SMARCA4: variants seen among roughly 807,000 people sequenced by gnomAD.
SMARCA4 encodes SWI/SNF related BAF chromatin remodeling complex subunit ATPase 4.
In SMARCA4, 31 loss-of-function variants were observed where a neutral mutation model predicts 193.9. The observed-to-expected ratio is 0.16, with a 90% CI of 0.12 to 0.22. The LOEUF (loss-of-function observed/expected upper bound fraction) is 0.22. Among genes scored for constraint, SMARCA4 ranks in the 10% least tolerant of loss-of-function variants. The pLI is 1.00. For synonymous variants in SMARCA4, 942 were observed against 933.1 expected (o/e 1.01, Z -0.17); for missense variants, 1,148 against 2,296.0 (o/e 0.50, Z 10.22).
chr19:11,023,589 C>G lies in SMARCA4; in HGVS notation c.2931C>G (p.Leu977=), dbSNP rs747616966. ...ACAAAGTGCTGCGGCCCTTCTTGCTCCGACGACTCAAGAAGGAAGTCGAGG... is the reference window on the plus strand; with the variant it reads ...ACAAAGTGCTGCGGCCCTTCTTGCTGCGACGACTCAAGAAGGAAGTCGAGG... ...RLHKVLRPFL[L]RRLKKEVEAQ... is the part of the protein sequence containing the mutation. Residue 977 remains leucine (L), a synonymous_variant, in exon 20 of 35, where the codon CTC becomes CTG. Coordinates refer to ENST00000344626, the MANE Select transcript of SMARCA4 (RefSeq NM_003072.5). 6.2e-7 allele frequency: 1 copy of G among 1,612,898 alleles called. No homozygotes were observed. Among genetic ancestry groups the G allele is most frequent in the Non-Finnish European group, 8.5e-7 (1 of 1,179,392 alleles).
rs587778680 is a variant in SMARCA4 at position 11,003,131 on chromosome 19, C to G, written c.1915C>G (p.Leu639Val). 11 of 1,614,046 alleles carry G rather than the reference C, an allele frequency of 6.8e-6. No homozygotes were observed. The highest frequency in any genetic ancestry group is 1.3e-5 in the African/African-American group (1 of 74,946). ...TGTDAPKAGQ[L>V]EAWLEMNPGY... ...CACAGATGCCCCCAAAGCCGGGCAGCTGGAGGCCTGGCTCGAGATGAACCC... is the reference window on the plus strand; with the variant it reads ...CACAGATGCCCCCAAAGCCGGGCAGGTGGAGGCCTGGCTCGAGATGAACCC... The change falls in exon 12 of 35, where the codon CTG (leucine) becomes GTG (valine). Residue 639 changes from leucine (L) to valine (V), a missense_variant. Coordinates refer to ENST00000344626, the MANE Select transcript of SMARCA4 (RefSeq NM_003072.5).
Position 10,984,587 on chromosome 19 carries a change from C to T in SMARCA4, c.222+214C>T, listed in dbSNP as rs765731392. On this transcript the variant is annotated intron_variant, in intron 2 of 34. Coordinates refer to ENST00000344626, the MANE Select transcript of SMARCA4 (RefSeq NM_003072.5). The surrounding 1 kb of genome is among the most constrained non-coding windows in gnomAD (Gnocchi z 4.3). The stretch of plus-strand genomic sequence containing the variant: ...CTGTGCTGGCGCATGATCTGGGCCC[C>T]GCGGGCACCTGCCCCACCGTTTCCC... 9.2e-5 allele frequency among the ~76,000 whole-genome samples: 14 copies of T among 152,280 alleles called. No homozygotes were observed. The highest frequency in any genetic ancestry group is 1.9e-4 in the Non-Finnish European group (13 of 68,054).
intron 29 of SMARCA4, chr19:11,040,507 G>C (rs188431392): frequency 1.3e-5 from 2 of 149,762 alleles, no homozygotes; most frequent in African/African-American, 2.5e-5. Flanking sequence ...CAGGAGAGTT[G>C]CTTGAACCCA....
Position 11,039,408 on chromosome 19 carries a change from G to C in SMARCA4, c.4171-1899G>C, listed in dbSNP as rs764151110. 2.8e-6 allele frequency: 3 copies of C among 1,078,720 alleles called. No homozygotes were observed. The African/African-American group carries it at 4.9e-5, about 18-fold the overall frequency. 66.8% of individuals were successfully genotyped at this position (1,078,720 alleles called of 1,614,324 possible). Reference sequence around the variant, plus strand: ...AAGAACAAGGGGAGGCTAAATTAGGGCACGTTGTGCACTGAAACACTAAAC... The same window carrying C: ...AAGAACAAGGGGAGGCTAAATTAGGCCACGTTGTGCACTGAAACACTAAAC... On this transcript the variant is annotated intron_variant, in intron 29 of 34. Coordinates refer to ENST00000344626, the MANE Select transcript of SMARCA4 (RefSeq NM_003072.5).
Position 11,058,686 on chromosome 19 carries a change from G to A in SMARCA4, c.4534-102G>A. On this transcript the variant is annotated intron_variant, in intron 31 of 34. Transcript: ENST00000344626. The surrounding 1 kb of genome is among the most constrained non-coding windows in gnomAD (Gnocchi z 5.8). ...TGGCGCTTCGGCCACATCCTCATAG[G>A]CACGAGGAATCCTAGCCCGTGGGGT... 2 of 984,460 alleles carry A rather than the reference G, an allele frequency of 2.0e-6. No individual in the cohort carries two copies. Among genetic ancestry groups the A allele is most frequent in the Middle Eastern group, 2.1e-4 (1 of 4,838 alleles). 61.0% of individuals were successfully genotyped at this position (984,460 alleles called of 1,614,324 possible).
intron 1 of SMARCA4, among the ~76,000 whole-genome samples, chr19:10,979,621 C>A (rs2085404726): frequency 6.6e-6 from 1 of 151,336 alleles, no homozygotes; most frequent in Admixed American, 6.6e-5. Flanking sequence ...TCTGCCTTGG[C>A]CTCCCAAAGT....
chr19:10,976,492 A>C (rs1366217427), intron 1 of SMARCA4, among the ~76,000 whole-genome samples: 1 of 152,142 alleles, frequency 6.6e-6, no homozygotes, highest in Non-Finnish European at 1.5e-5. Flanking sequence ...GCGGTGGCTC[A>C]TGCCTGTAGT....
At chr19:11,057,027 G>A (rs2147067646) in intron 30 of SMARCA4, among the ~76,000 whole-genome samples, 1 of 152,354 alleles carries the variant, frequency 6.6e-6, no homozygotes, top group African/African-American at 2.4e-5. Flanking sequence ...AAGGAAAGAA[G>A]CGGTGCTGAT....
chr19:11,025,530 C>A (rs142239937), intron 22 of SMARCA4, 22 bp downstream of exon 22: 2 of 1,586,746 alleles, frequency 1.3e-6, no homozygotes, highest in African/African-American at 2.7e-5. Flanking sequence ...GCGGCTGGGA[C>A]GGCTCAGGCC....
intron 11 of SMARCA4, 149 bp downstream of exon 11, chr19:10,996,693 A>G: frequency 1.3e-6 from 1 of 751,860 alleles, no homozygotes; most frequent in East Asian, 2.7e-5. Flanking sequence ...CGCCCATCCC[A>G]CCCGACCCCA....
intron 1 of SMARCA4, chr19:10,983,613 T>G: frequency 6.1e-6 from 1 of 164,868 alleles, no homozygotes; most frequent in Non-Finnish European, 1.3e-5. Context: ...TTTCGTATTT[T>G]TAGTAGAGAT....
chr19:11,053,214 A>T (rs1181560895), intron 30 of SMARCA4, among the ~76,000 whole-genome samples: 1 of 152,068 alleles, frequency 6.6e-6, no homozygotes, highest in African/African-American at 2.4e-5. Context: ...AACGGAACCT[A>T]GGCTCATGCC....
intron 1 of SMARCA4, among the ~76,000 whole-genome samples, chr19:10,977,123 C>A (rs11672797): frequency 0.046 from 6,978 of 152,228 alleles, 227 homozygotes; most frequent in African/African-American, 0.077. Context: ...GTGTGCATTG[C>A]TTGCCAGGGT....
chr19:11,018,390 C>T, intron 16 of SMARCA4: 1 of 244,638 alleles, frequency 4.1e-6, no homozygotes, highest in Non-Finnish European at 8.2e-6. Flanking sequence ...CATTCCAGCC[C>T]TGGTCATCCC....
At chr19:10,993,981 C>T (rs1209173018) in intron 8 of SMARCA4, among the ~76,000 whole-genome samples, 2 of 151,978 alleles carry the variant, frequency 1.3e-5, no homozygotes, top group East Asian at 1.9e-4. Context: ...GAAACCCAAC[C>T]GCGGCAGGCA....
intron 25 of SMARCA4, chr19:11,032,758 A>T: frequency 4.9e-6 from 1 of 203,312 alleles, no homozygotes; most frequent in Non-Finnish European, 1.0e-5. Context: ...CCTGGTGCTT[A>T]TTCACTCATT....
chr19:11,034,259 C>T lies in SMARCA4; in HGVS notation c.3951+59C>T. On this transcript the variant is annotated intron_variant, in intron 28 of 34. Coordinates refer to ENST00000344626, the MANE Select transcript of SMARCA4 (RefSeq NM_003072.5). This position sits in a 1 kb window ranked among gnomAD's most constrained non-coding sequence, Gnocchi z 7.0. The stretch of plus-strand genomic sequence containing the variant: ...CATCCCACTCTGCTGCCACCAGGAG[C>T]AAAGCAGACGTCCTAGTGCCCATGG... 7.4e-7 allele frequency: 1 copy of T among 1,343,338 alleles called. No homozygotes were observed. 83.2% of individuals were successfully genotyped at this position (1,343,338 alleles called of 1,614,324 possible).
At position 11,019,113 on chromosome 19, in the gene SMARCA4, C is replaced by T; in HGVS notation, c.2505+90C>T. The stretch of plus-strand genomic sequence containing the variant: ...TCCACACATACCTCTGGACAGTGAA[C>T]CTGAGAATGCTGGGTCTCCAGTCGC... On this transcript the variant is annotated intron_variant, in intron 17 of 34. Transcript: ENST00000344626. The surrounding 1 kb of genome is among the most constrained non-coding windows in gnomAD (Gnocchi z 6.1). 1 of 977,562 alleles carries T rather than the reference C, an allele frequency of 1.0e-6. No individual in the cohort carries two copies. Among genetic ancestry groups the T allele is most frequent in the Non-Finnish European group, 1.7e-6 (1 of 602,644 alleles). The allele number at this position is 977,562 out of a possible 1,614,324, so 60.6% of individuals were successfully genotyped here.
rs1359217827 is a variant in SMARCA4 at position 10,986,525 on chromosome 19, G to A, written c.692G>A (p.Gly231Asp). The A allele has an allele frequency of 1.3e-6, 2 of 1,541,248 alleles. No homozygotes were observed. The highest frequency in any genetic ancestry group is 2.4e-5 in the East Asian group (1 of 40,896). ...PPPSVSATGPGPGPGPGPGPG... is the reference protein window; with the variant it reads ...PPPSVSATGPDPGPGPGPGPG... Reference sequence around the variant, plus strand: ...CCCTCGGTGTCCGCAACAGGACCCGGCCCTGGCCCTGGCCCTGGCCCCGGC... The same window carrying A: ...CCCTCGGTGTCCGCAACAGGACCCGACCCTGGCCCTGGCCCTGGCCCCGGC... The change falls in exon 4 of 35, where the codon GGC (glycine) becomes GAC (aspartate). Residue 231 changes from glycine to aspartate, a missense_variant. Coordinates refer to ENST00000344626, the MANE Select transcript of SMARCA4 (RefSeq NM_003072.5). This position sits in a 1 kb window ranked among gnomAD's most constrained non-coding sequence, Gnocchi z 6.7.
Sources: gnomAD v4.1 joint callset for allele counts (sites outside exome capture counted in the v4.1 genomes callset) on GRCh38, gnomAD v4.1.1 for gene constraint, Gnocchi (gnomAD v3.1) non-coding constraint, MANE v1.5 for transcripts, NCBI Gene and HGNC (gene_info 2026-07-23, HGNC 2026-07-21) for gene names.